KCNMA1: variants seen among roughly 807,000 people sequenced by gnomAD.
KCNMA1 encodes the protein potassium calcium-activated channel subfamily M alpha 1.
Under a neutral mutation model 140.0 loss-of-function variants are expected in KCNMA1, and 29 were observed. The ratio of observed to expected loss-of-function variants is 0.21; its 90% CI spans 0.15 to 0.28. The LOEUF is 0.28. Ranked by LOEUF, KCNMA1 falls within the 10% of genes least tolerant of loss-of-function variation. The pLI, the probability that KCNMA1 is intolerant of heterozygous loss-of-function variation, is 1.00. For missense variants in KCNMA1, 880 were observed against 1,602.2 expected (o/e 0.55, Z 7.70); for synonymous variants, 612 against 611.9 (o/e 1.00, Z 0.00).
chr10:77,595,460 C>T (rs1169674758), intron 1 of KCNMA1, among the ~76,000 whole-genome samples: 5 of 151,944 alleles, frequency 3.3e-5, no homozygotes, highest in African/African-American at 1.2e-4. Context: ...TGTACCCCGG[C>T]ACATGGACTT....
In KCNMA1 at chr10:77,268,499, A is replaced by G. The variant is rs148679433; in HGVS notation, c.541-17243T>C. ...TAATAAATTGCTGGAGATGATGGGG[A>G]CTGCTCTACTGTGATTGAGTTACTG... On this transcript the variant is annotated intron_variant, in intron 2 of 27. Transcript: ENST00000286628. Among the ~76,000 whole-genome samples the G allele has an allele frequency of 2.1e-3, 312 of 152,144 alleles. 1 individual carries two copies. Among genetic ancestry groups the G allele is most frequent in the African/African-American group, 7.1e-3 (294 of 41,502 alleles).
chr10:77,536,399 C>A (rs1478925000), intron 1 of KCNMA1, among the ~76,000 whole-genome samples: 2 of 152,196 alleles, frequency 1.3e-5, no homozygotes, highest in South Asian at 4.1e-4. Context: ...TGTGGTCTTT[C>A]TTCCCAGTGT....
chr10:77,607,431 T>C (rs920547196), intron 1 of KCNMA1, among the ~76,000 whole-genome samples: 1 of 152,220 alleles, frequency 6.6e-6, no homozygotes, highest in Non-Finnish European at 1.5e-5. Context: ...AATCTGTGAC[T>C]GCGACCTTAA....
At chr10:77,088,428 TTTTTG>T (rs10638689) in intron 10 of KCNMA1, among the ~76,000 whole-genome samples, 55 of 150,904 alleles carry the variant, frequency 3.6e-4, no homozygotes, top group East Asian at 1.0e-3. Flanking sequence ...GAGCAGCCAG[TTTTTG>T]TTTTGTTTTG....
At chr10:76,982,363 C>T (rs906516921) in intron 19 of KCNMA1, among the ~76,000 whole-genome samples, 13 of 151,052 alleles carry the variant, frequency 8.6e-5, no homozygotes, top group Admixed American at 2.6e-4. Context: ...AAAAAGAAGA[C>T]GACTTGAAAC....
At chr10:77,030,527 A>G (rs2093855875) in intron 15 of KCNMA1, among the ~76,000 whole-genome samples, 1 of 152,196 alleles carries the variant, frequency 6.6e-6, no homozygotes. Flanking sequence ...CTAATATCCT[A>G]TGAGCAATGA....
chr10:77,398,096 T>C (rs553518782), intron 2 of KCNMA1, among the ~76,000 whole-genome samples: 2 of 151,930 alleles, frequency 1.3e-5, no homozygotes, highest in African/African-American at 4.8e-5. Context: ...TTTTTCTTTA[T>C]TTAATCATCC....
chr10:77,087,712 C>T (rs1312291853), intron 10 of KCNMA1, among the ~76,000 whole-genome samples: 2 of 152,168 alleles, frequency 1.3e-5, no homozygotes, highest in Non-Finnish European at 2.9e-5. Context: ...CCTATTTATT[C>T]ATTTGTTAAT....
In KCNMA1 at chr10:77,084,660, C is replaced by T. The variant is rs201400928; in HGVS notation, c.1500G>A (p.Ala500=). The T allele has an allele frequency of 1.1e-4, 181 of 1,614,110 alleles. No homozygotes were observed. Among genetic ancestry groups the T allele is most frequent in the Non-Finnish European group, 1.4e-4 (170 of 1,179,964 alleles). ...LANKYCADPD[A]EDASNIMRVI... ...ACCTCATGATATTCGAGGCATCCTC[C>T]GCATCCGGGTCAGCGCAGTACTTGT... The change falls in exon 12 of 28, where the codon GCG becomes GCA. Residue 500 remains alanine, a synonymous_variant. Coordinates refer to ENST00000286628, the MANE Select transcript of KCNMA1 (RefSeq NM_001161352.2).
Position 77,039,575 on chromosome 10 carries a change from T to C in KCNMA1, c.1812A>G (p.Glu604=). 1.2e-6 allele frequency: 2 copies of C among 1,612,948 alleles called. No individual in the cohort carries two copies. Among genetic ancestry groups the C allele is most frequent in the Non-Finnish European group, 1.7e-6 (2 of 1,178,920 alleles). ...GACCCACGAAGGCACTGGAGAGATATTCTGTGTACATTTCATTTGAGACTC... is the reference window on the plus strand; with the variant it reads ...GACCCACGAAGGCACTGGAGAGATACTCTGTGTACATTTCATTTGAGACTC... ...LEGVSNEMYT[E]YLSSAFVGLS... is the part of the protein sequence containing the mutation. Residue 604 remains glutamate (E), a synonymous_variant, in exon 15 of 28, where the codon GAA becomes GAG. Coordinates refer to ENST00000286628, the MANE Select transcript of KCNMA1 (RefSeq NM_001161352.2).
intron 5 of KCNMA1, among the ~76,000 whole-genome samples, chr10:77,164,143 A>G (rs1564919075): frequency 6.6e-6 from 1 of 152,170 alleles, no homozygotes; most frequent in Non-Finnish European, 1.5e-5. Flanking sequence ...CTGTGGACAT[A>G]AGGCAGACTC....
At chr10:77,448,608 T>C (rs2097571806) in intron 1 of KCNMA1, among the ~76,000 whole-genome samples, 1 of 152,212 alleles carries the variant, frequency 6.6e-6, no homozygotes, top group African/African-American at 2.4e-5. Flanking sequence ...CTTTCAGATG[T>C]GAGAAGGGAG....
At chr10:77,629,033 G>A (rs1302803517) in intron 1 of KCNMA1, among the ~76,000 whole-genome samples, 1 of 152,190 alleles carries the variant, frequency 6.6e-6, no homozygotes, top group African/African-American at 2.4e-5. Flanking sequence ...AAATAAAGGA[G>A]ATGTGTTAAA....
intron 1 of KCNMA1, among the ~76,000 whole-genome samples, chr10:77,429,085 GTGCAGGTC>G (rs1415307363): frequency 6.6e-6 from 1 of 152,174 alleles, no homozygotes. Context: ...TGCCAGAAAT[GTGCAGGTC>G]TGCAGGGATG....
intron 3 of KCNMA1, among the ~76,000 whole-genome samples, chr10:77,205,971 T>C (rs1225543650): frequency 6.6e-6 from 1 of 152,188 alleles, no homozygotes; most frequent in Non-Finnish European, 1.5e-5. Context: ...ATTTGTTTAT[T>C]ATGAGCAACA....
chr10:77,261,375 A>G (rs974440455), intron 2 of KCNMA1, among the ~76,000 whole-genome samples: 1 of 152,158 alleles, frequency 6.6e-6, no homozygotes, highest in Non-Finnish European at 1.5e-5. Context: ...CATGATTACT[A>G]CAAGCCAATT....
At chr10:77,223,401 G>A (rs1336805321) in intron 3 of KCNMA1, among the ~76,000 whole-genome samples, 1 of 152,048 alleles carries the variant, frequency 6.6e-6, no homozygotes, top group African/African-American at 2.4e-5. Flanking sequence ...TGTCTTTAAA[G>A]TCTTTATTAT....
At chr10:77,237,191 A>G (rs1238173567) in intron 3 of KCNMA1, among the ~76,000 whole-genome samples, 1 of 152,180 alleles carries the variant, frequency 6.6e-6, no homozygotes, top group Non-Finnish European at 1.5e-5. Context: ...TTTTTTGGTC[A>G]TGTTCAAGCT....
At chr10:77,216,876 G>T (rs753134495) in intron 3 of KCNMA1, among the ~76,000 whole-genome samples, 2 of 152,058 alleles carry the variant, frequency 1.3e-5, no homozygotes, top group African/African-American at 4.8e-5. Flanking sequence ...TATAGATAAG[G>T]GTGTGGGCTA....
Sources: allele counts gnomAD v4.1 joint callset (sites outside exome capture counted in the v4.1 genomes callset), GRCh38; gene constraint gnomAD v4.1.1; transcripts MANE v1.5; gene names NCBI Gene and HGNC (gene_info 2026-07-23, HGNC 2026-07-21).